Variants in SHISA9 observed in about 807,000 individuals in gnomAD.
The protein encoded by SHISA9 is shisa family member 9.
Under a neutral mutation model 38.0 loss-of-function variants are expected in SHISA9, and 13 were observed. That is an observed-to-expected ratio of 0.34 (90% CI 0.22 to 0.54). The LOEUF (loss-of-function observed/expected upper bound fraction) is 0.54, where lower values mean the gene tolerates loss of function less well. SHISA9 is among the 20% of genes least tolerant of loss of function. The pLI, the probability that SHISA9 is intolerant of heterozygous loss-of-function variation, is 0.91. For synonymous variants in SHISA9, 275 were observed against 242.0 expected (o/e 1.14, Z -1.27); for missense variants, 538 against 575.8 (o/e 0.93, Z 0.67).
chr16:12,950,881 T>G (rs1382159553), intron 2 of SHISA9, among the ~76,000 whole-genome samples: 2 of 151,804 alleles, frequency 1.3e-5, no homozygotes, highest in Admixed American at 6.6e-5. Flanking sequence ...GTGCTGGGAT[T>G]ACAGGCGAGA....
rs376766923 is a variant in SHISA9 at position 13,050,293 on chromosome 16, T to C, written c.691+133478T>C. 2.6e-5 allele frequency among the ~76,000 whole-genome samples: 4 copies of C among 152,146 alleles called. No individual in the cohort carries two copies. In the East Asian group the frequency reaches 7.7e-4, roughly 29 times the overall value. ...AAGATATTATGGATAAATTAATTTT[T>C]TCCTTTTTTTACTTGTTCACAGTTT... On this transcript the variant is annotated intron_variant, in intron 2 of 4. Coordinates refer to ENST00000558583, the MANE Select transcript of SHISA9 (RefSeq NM_001145204.3).
chr16:13,136,843 T>A (rs1006102101), intron 2 of SHISA9, among the ~76,000 whole-genome samples: 1 of 152,162 alleles, frequency 6.6e-6, no homozygotes, highest in African/African-American at 2.4e-5. Context: ...TTTTTTTGAC[T>A]AATGTCTCAT....
intron 2 of SHISA9, among the ~76,000 whole-genome samples, chr16:13,146,675 C>A (rs138747458): frequency 6.6e-6 from 1 of 152,274 alleles, no homozygotes; most frequent in East Asian, 1.9e-4. Context: ...TTATATGAAG[C>A]AACAGAAGTA....
chr16:13,301,528 G>T, the SHISA9 span, among the ~76,000 whole-genome samples: 1 of 152,324 alleles, frequency 6.6e-6, no homozygotes, highest in African/African-American at 2.4e-5. Flanking sequence ...ATGCACAGGT[G>T]AAGATTTTTA....
At chr16:13,347,313 A>G in the SHISA9 span, among the ~76,000 whole-genome samples, 1 of 152,200 alleles carries the variant, frequency 6.6e-6, no homozygotes, top group African/African-American at 2.4e-5. Context: ...CTGGGGTCAT[A>G]GCCTCAGCAT....
the SHISA9 span, among the ~76,000 whole-genome samples, chr16:13,359,265 G>A: frequency 6.6e-6 from 1 of 152,136 alleles, no homozygotes; most frequent in Admixed American, 6.5e-5. Flanking sequence ...TGGATCATTT[G>A]AGGTCAGGAG....
chr16:13,168,405 A>G (rs1439908768), intron 2 of SHISA9, among the ~76,000 whole-genome samples: 1 of 152,208 alleles, frequency 6.6e-6, no homozygotes, highest in African/African-American at 2.4e-5. Context: ...ATGGCCTCCA[A>G]CATTACCATA....
At chr16:12,953,645 C>T (rs1056413350) in intron 2 of SHISA9, among the ~76,000 whole-genome samples, 6 of 152,154 alleles carry the variant, frequency 3.9e-5, no homozygotes, top group Non-Finnish European at 8.8e-5. Flanking sequence ...GGGGCTCAGG[C>T]TTGCTGAGAA....
the SHISA9 span, among the ~76,000 whole-genome samples, chr16:13,295,148 T>A: frequency 6.6e-6 from 1 of 152,230 alleles, no homozygotes; most frequent in Non-Finnish European, 1.5e-5. Flanking sequence ...TCACCAAATT[T>A]TTTTTAATTA....
At chr16:13,516,526 G>A in the SHISA9 span, among the ~76,000 whole-genome samples, 2 of 152,174 alleles carry the variant, frequency 1.3e-5, no homozygotes, top group Non-Finnish European at 2.9e-5. Context: ...GTAACTGGGA[G>A]CAGTGGCTCA....
At chr16:13,096,151 C>G in intron 2 of SHISA9, among the ~76,000 whole-genome samples, 1 of 152,216 alleles carries the variant, frequency 6.6e-6, no homozygotes. Context: ...CGCAGATAAT[C>G]ATATGTATGT....
chr16:13,181,143 G>A (rs2050772857), intron 2 of SHISA9, among the ~76,000 whole-genome samples: 2 of 150,474 alleles, frequency 1.3e-5, no homozygotes, highest in Non-Finnish European at 3.0e-5. Flanking sequence ...GAAAATAATG[G>A]GTTTTATTGT....
chr16:13,208,896 T>C (rs190337260), intron 3 of SHISA9, among the ~76,000 whole-genome samples: 1 of 152,260 alleles, frequency 6.6e-6, no homozygotes, highest in Admixed American at 6.5e-5. Flanking sequence ...GTAAAACTAG[T>C]GAATAATACC....
the SHISA9 span, among the ~76,000 whole-genome samples, chr16:13,446,372 A>G: frequency 6.6e-6 from 1 of 152,240 alleles, no homozygotes; most frequent in Non-Finnish European, 1.5e-5. Context: ...ACACTGGGCT[A>G]TGTCCTAGGG....
intron 2 of SHISA9, among the ~76,000 whole-genome samples, chr16:13,125,247 A>G (rs1425981446): frequency 2.0e-5 from 3 of 152,218 alleles, no homozygotes; most frequent in Non-Finnish European, 4.4e-5. Flanking sequence ...CAGAATATAT[A>G]AGGAGCACAA....
At chr16:13,057,017 G>C (rs2073318626) in intron 2 of SHISA9, among the ~76,000 whole-genome samples, 1 of 152,102 alleles carries the variant, frequency 6.6e-6, no homozygotes, top group South Asian at 2.1e-4. Flanking sequence ...AGTATGGGGC[G>C]CCCCCGATCC....
intron 4 of SHISA9, 74 bp from the exon 5 acceptor site, chr16:13,234,956 A>G: frequency 7.8e-7 from 1 of 1,280,502 alleles, no homozygotes; most frequent in Non-Finnish European, 1.0e-6. Context: ...GCCAGTCTCT[A>G]ACTCTCTCTC....
chr16:12,929,130 C>T (rs1254838165), intron 2 of SHISA9, among the ~76,000 whole-genome samples: 1 of 152,062 alleles, frequency 6.6e-6, no homozygotes, highest in East Asian at 1.9e-4. Flanking sequence ...ATTAAAAAGT[C>T]AAAGAATAAC....
chr16:13,010,877 A>C (rs1248402157), intron 2 of SHISA9, among the ~76,000 whole-genome samples: 1 of 152,200 alleles, frequency 6.6e-6, no homozygotes. Flanking sequence ...GCTTGAACCC[A>C]GGAAGCAGAG....
Sources: allele counts gnomAD v4.1 joint callset (sites outside exome capture counted in the v4.1 genomes callset), GRCh38; gene constraint gnomAD v4.1.1; transcripts MANE v1.5; gene names NCBI Gene and HGNC (gene_info 2026-07-23, HGNC 2026-07-21).